Variants in BRIP1 observed in about 807,000 individuals in gnomAD.
BRIP1 encodes BRCA1 interacting DNA helicase 1.
In BRIP1, 88 loss-of-function variants were observed where a neutral mutation model predicts 119.7. The observed-to-expected ratio is 0.74, with a 90% CI of 0.62 to 0.88. The LOEUF (loss-of-function observed/expected upper bound fraction) is 0.88. Among genes scored for constraint, BRIP1 ranks in the 40% least tolerant of loss-of-function variants. The pLI, the probability that BRIP1 is intolerant of heterozygous loss-of-function variation, is 0.00. For synonymous variants in BRIP1, 443 were observed against 496.5 expected (o/e 0.89, Z 1.43); for missense variants, 1,259 against 1,455.4 (o/e 0.87, Z 2.20).
At position 61,770,275 on chromosome 17, in the gene BRIP1, C is replaced by T. The variant is rs937165018; in HGVS notation, c.2097+6126G>A. On this transcript the variant is annotated intron_variant, in intron 14 of 19. Transcript: ENST00000259008. The surrounding 1 kb of genome is among the most constrained non-coding windows in gnomAD (Gnocchi z 4.7). ...GCTTCCTGTTCCCCATACCTTACCA[C>T]CACATCAACAGGGCTCCAGTATAAC... is the stretch of plus-strand genomic sequence containing the variant. Among the ~76,000 whole-genome samples the T allele has an allele frequency of 4.6e-5, 7 of 152,152 alleles. No homozygotes were observed. The highest frequency in any genetic ancestry group is 1.7e-4 in the African/African-American group (7 of 41,434).
chr17:61,727,351 A>C (rs1484525349), intron 16 of BRIP1, among the ~76,000 whole-genome samples: 5 of 152,238 alleles, frequency 3.3e-5, no homozygotes, highest in African/African-American at 1.2e-4. Flanking sequence ...GCATGTACAT[A>C]AGAAAAAAGA....
At position 61,803,561 on chromosome 17, in the gene BRIP1, C is replaced by T. The variant is rs528471566; in HGVS notation, c.919-2087G>A. Reference sequence around the variant, plus strand: ...TACAAAAAAACAAAAAAAATTAAACCGCAGTGAGCAGTGACCACGCCACTG... The same window carrying T: ...TACAAAAAAACAAAAAAAATTAAACTGCAGTGAGCAGTGACCACGCCACTG... On this transcript the variant is annotated intron_variant, in intron 7 of 19. Transcript: ENST00000259008. The surrounding 1 kb of genome is among the most constrained non-coding windows in gnomAD (Gnocchi z 4.3). 3.3e-4 allele frequency among the ~76,000 whole-genome samples: 50 copies of T among 151,838 alleles called. No individual in the cohort carries two copies. In the South Asian group the frequency reaches 1.0e-2, roughly 30 times the overall value.
In BRIP1 at chr17:61,699,298, C is replaced by A. The variant is rs1478148621; in HGVS notation, c.2493-5786G>T. On this transcript the variant is annotated intron_variant, in intron 17 of 19. Coordinates refer to ENST00000259008, the MANE Select transcript of BRIP1 (RefSeq NM_032043.3). The surrounding 1 kb of genome is among the most constrained non-coding windows in gnomAD (Gnocchi z 4.8). ...TACTGATAAGGTAGGATTTACTCAG[C>A]TATTTTGTAAAATACTCACTTTGCT... is the stretch of plus-strand genomic sequence containing the variant. Among the ~76,000 whole-genome samples, 4 of 152,126 alleles carry A rather than the reference C, an allele frequency of 2.6e-5. No individual in the cohort carries two copies. Among genetic ancestry groups the A allele is most frequent in the South Asian group, 2.1e-4 (1 of 4,826 alleles).
rs556572150 is a variant in BRIP1, at chr17:61,725,892, T to G, written c.2380-9829A>C. ...TCCTCCTGTCTTGGCCTCCCAAAGC[T>G]GTGGGATTAAGGTGTTATCCACCAT... On this transcript the variant is annotated intron_variant, in intron 16 of 19. Transcript: ENST00000259008. The surrounding 1 kb of genome is among the most constrained non-coding windows in gnomAD (Gnocchi z 5.3). 2.0e-5 allele frequency among the ~76,000 whole-genome samples: 3 copies of G among 152,312 alleles called. No individual in the cohort carries two copies. The East Asian group carries it at 5.8e-4, about 29-fold the overall frequency.
chr17:61,697,067 C>A (rs904891193), intron 17 of BRIP1, among the ~76,000 whole-genome samples: 8 of 148,300 alleles, frequency 5.4e-5, no homozygotes, highest in Non-Finnish European at 1.2e-4. Flanking sequence ...TTCAGATATT[C>A]TATTTCAGCT....
chr17:61,716,685 G>T (rs2061868725), intron 16 of BRIP1, among the ~76,000 whole-genome samples: 1 of 121,218 alleles, frequency 8.2e-6, no homozygotes, highest in African/African-American at 3.5e-5. Context: ...TGTTATGATT[G>T]GGTTTAAGAC....
intron 14 of BRIP1, among the ~76,000 whole-genome samples, chr17:61,750,607 G>T (rs943249763): frequency 2.7e-5 from 4 of 150,882 alleles, no homozygotes; most frequent in Non-Finnish European, 5.9e-5. Context: ...GCTGATAAAA[G>T]ATTAATATCC....
At position 61,699,541 on chromosome 17, in the gene BRIP1, A is replaced by T. The variant is rs1356115767; in HGVS notation, c.2493-6029T>A. ...CAACTTAATTTCAATAGTACAAAAA[A>T]ATGGTCCTTCTGTTCCCTCATCTGT... On this transcript the variant is annotated intron_variant, in intron 17 of 19. Transcript: ENST00000259008. This position sits in a 1 kb window ranked among gnomAD's most constrained non-coding sequence, Gnocchi z 4.8. Among the ~76,000 whole-genome samples the T allele has an allele frequency of 6.6e-6, 1 of 152,200 alleles. No individual in the cohort carries two copies. Among genetic ancestry groups the T allele is most frequent in the African/African-American group, 2.4e-5 (1 of 41,454 alleles).
rs973156910 is a variant in BRIP1, at chr17:61,814,967, T to C, written c.628-6210A>G. 6.6e-6 allele frequency among the ~76,000 whole-genome samples: 1 copy of C among 151,874 alleles called. No homozygotes were observed. The highest frequency in any genetic ancestry group is 2.4e-5 in the African/African-American group (1 of 41,378). ...TGAGTATGGCTTAAACAAAATTGTA[T>C]TTTCCCCATAAAATTCTAAATAAGT... On this transcript the variant is annotated intron_variant, in intron 6 of 19. Coordinates refer to ENST00000259008, the MANE Select transcript of BRIP1 (RefSeq NM_032043.3). This position sits in a 1 kb window ranked among gnomAD's most constrained non-coding sequence, Gnocchi z 4.9.
rs1356882170 is a variant in BRIP1, at chr17:61,814,855, A to G, written c.628-6098T>C. 6.6e-6 allele frequency among the ~76,000 whole-genome samples: 1 copy of G among 152,040 alleles called. No individual in the cohort carries two copies. The highest frequency in any genetic ancestry group is 1.5e-5 in the Non-Finnish European group (1 of 67,948). On this transcript the variant is annotated intron_variant, in intron 6 of 19. Coordinates refer to ENST00000259008, the MANE Select transcript of BRIP1 (RefSeq NM_032043.3). This position sits in a 1 kb window ranked among gnomAD's most constrained non-coding sequence, Gnocchi z 4.9. ...ATGAGTAAATTGTGGGCTCTTTCCA[A>G]TCAATGGAATAATATTATAATGAAA...
intron 10 of BRIP1, among the ~76,000 whole-genome samples, chr17:61,791,613 G>T (rs1347149292): frequency 1.3e-5 from 2 of 150,406 alleles, no homozygotes; most frequent in Non-Finnish European, 2.9e-5. Flanking sequence ...TAGCAGAGAA[G>T]TTCCAGGACC....
Position 61,713,474 on chromosome 17 carries a change from G to C in BRIP1, c.2492+2477C>G, listed in dbSNP as rs1013768971. ...GGAGGTAGAAGACAGGGATATTAAT[G>C]CTCCTGATCCTGTGTAGGCCTAGGA... On this transcript the variant is annotated intron_variant, in intron 17 of 19. Coordinates refer to ENST00000259008, the MANE Select transcript of BRIP1 (RefSeq NM_032043.3). This position sits in a 1 kb window ranked among gnomAD's most constrained non-coding sequence, Gnocchi z 4.9. Among the ~76,000 whole-genome samples the C allele has an allele frequency of 1.3e-5, 2 of 151,898 alleles. No individual in the cohort carries two copies. Among genetic ancestry groups the C allele is most frequent in the Admixed American group, 1.3e-4 (2 of 15,252 alleles).
chr17:61,718,671 T>C (rs533731801), intron 16 of BRIP1, among the ~76,000 whole-genome samples: 1 of 152,314 alleles, frequency 6.6e-6, no homozygotes, highest in African/African-American at 2.4e-5. Context: ...TGAGCTCTGT[T>C]TGAGTTTATT....
intron 6 of BRIP1, among the ~76,000 whole-genome samples, chr17:61,835,577 T>C (rs1284604448): frequency 6.6e-6 from 1 of 151,880 alleles, no homozygotes; most frequent in Non-Finnish European, 1.5e-5. Flanking sequence ...GATAAATAAT[T>C]GAAAATTATT....
chr17:61,826,140 A>G (rs1362965751), intron 6 of BRIP1, among the ~76,000 whole-genome samples: 4 of 152,194 alleles, frequency 2.6e-5, no homozygotes, highest in Non-Finnish European at 5.9e-5. Context: ...ACCAAAAACA[A>G]GCAATGGGGA....
In BRIP1 at chr17:61,704,347, A is replaced by G. The variant is rs1332633071; in HGVS notation, c.2493-10835T>C. ...TTCTGTTTTTTAGAAGAGATTATGT[A>G]AAATTTGTGTTATTTCTTCTTTAAA... is the stretch of plus-strand genomic sequence containing the variant. On this transcript the variant is annotated intron_variant, in intron 17 of 19. Transcript: ENST00000259008. This position sits in a 1 kb window ranked among gnomAD's most constrained non-coding sequence, Gnocchi z 5.7. Among the ~76,000 whole-genome samples the G allele has an allele frequency of 6.6e-6, 1 of 152,174 alleles. No individual in the cohort carries two copies. The highest frequency in any genetic ancestry group is 1.5e-5 in the Non-Finnish European group (1 of 68,032).
rs1376999090 is a variant in BRIP1 at position 61,738,645 on chromosome 17, G to T, written c.2379+4368C>A. On this transcript the variant is annotated intron_variant, in intron 16 of 19. Transcript: ENST00000259008. The surrounding 1 kb of genome is among the most constrained non-coding windows in gnomAD (Gnocchi z 4.2). ...AAAAAAGCATTAAGAACCCCAGATT[G>T]GTATAATAACAATGTTCAAAATCAT... is the stretch of plus-strand genomic sequence containing the variant. Among the ~76,000 whole-genome samples the T allele has an allele frequency of 6.6e-6, 1 of 152,046 alleles. No homozygotes were observed. The highest frequency in any genetic ancestry group is 1.5e-5 in the Non-Finnish European group (1 of 68,016).
intron 16 of BRIP1, among the ~76,000 whole-genome samples, chr17:61,716,651 A>G (rs2061867936): frequency 6.6e-6 from 1 of 151,872 alleles, no homozygotes; most frequent in Admixed American, 6.6e-5. Context: ...CAATGTTTAG[A>G]CCATTTACAT....
In BRIP1 at chr17:61,681,749, C is replaced by T. The variant is rs969872954; in HGVS notation, c.*1547G>A. ...TGTCAATTTAAATGTCTTTGAACTA[C>T]GCTTAGAGTTGTAACATCAAATGCT... On this transcript the variant is annotated 3_prime_UTR_variant, in exon 20 of 20. Coordinates refer to ENST00000259008, the MANE Select transcript of BRIP1 (RefSeq NM_032043.3). The surrounding 1 kb of genome is among the most constrained non-coding windows in gnomAD (Gnocchi z 5.1). 3 of 197,384 alleles carry T rather than the reference C, an allele frequency of 1.5e-5. No individual in the cohort carries two copies. Among genetic ancestry groups the T allele is most frequent in the South Asian group, 1.9e-4 (1 of 5,178 alleles). 12.2% of individuals were successfully genotyped at this position (197,384 alleles called of 1,614,324 possible).
Sources: gnomAD v4.1 joint callset for allele counts (sites outside exome capture counted in the v4.1 genomes callset) on GRCh38, gnomAD v4.1.1 for gene constraint, Gnocchi (gnomAD v3.1) non-coding constraint, MANE v1.5 for transcripts, NCBI Gene and HGNC (gene_info 2026-07-23, HGNC 2026-07-21) for gene names.